The following USP32 variants were observed in gnomAD, a reference collection of about 807,000 sequenced individuals.
USP32 encodes ubiquitin specific peptidase 32, also known as ubiquitin carboxyl-terminal hydrolase 32.
USP32 carries 59 observed loss-of-function variants against 204.8 expected under a neutral mutation model. That is an observed-to-expected ratio of 0.29 (90% CI 0.23 to 0.36). The LOEUF is 0.36. Ranked by LOEUF, USP32 falls within the 10% of genes least tolerant of loss-of-function variation. USP32 has a pLI of 1.00. For missense variants in USP32, 1,160 were observed against 1,946.4 expected (o/e 0.60, Z 7.60); for synonymous variants, 517 against 678.4 (o/e 0.76, Z 3.70).
At chr17:60,200,941 C>T (rs555300517) in intron 26 of USP32, among the ~76,000 whole-genome samples, 15 of 152,290 alleles carry the variant, frequency 9.8e-5, no homozygotes, top group South Asian at 2.1e-4. Flanking sequence ...CTCACTGCAA[C>T]CTCCACCTTC....
At chr17:60,208,458 A>G (rs1167114873) in intron 23 of USP32, among the ~76,000 whole-genome samples, 196 bp downstream of exon 23, 1 of 152,188 alleles carries the variant, frequency 6.6e-6, no homozygotes, top group Non-Finnish European at 1.5e-5. Context: ...AGTTGCTGGC[A>G]TATTTGAAAC....
At chr17:60,413,861 CAAAAAAAAAAAAAA>C (rs1299395927) in intron 1 of USP32, among the ~76,000 whole-genome samples, 10 of 31,698 alleles carry the variant, frequency 3.2e-4, no homozygotes, top group Middle Eastern at 0.015. Context: ...GATTCTGTCT[CAAAAAAAAAAAAAA>C]GAAAAAAAAA....
intron 11 of USP32, among the ~76,000 whole-genome samples, chr17:60,236,902 T>C (rs77211692): frequency 0.06 from 9,135 of 152,278 alleles, 352 homozygotes; most frequent in East Asian, 0.11. Context: ...GGTTCATCTA[T>C]TATTGTGGCA....
At chr17:60,296,183 G>A (rs1233127056) in intron 3 of USP32, among the ~76,000 whole-genome samples, 1 of 152,174 alleles carries the variant, frequency 6.6e-6, no homozygotes, top group Non-Finnish European at 1.5e-5. Context: ...GTGGAGGTAC[G>A]TATTAGATAT....
At chr17:60,390,593 A>G (rs2089815555) in intron 1 of USP32, among the ~76,000 whole-genome samples, 1 of 152,192 alleles carries the variant, frequency 6.6e-6, no homozygotes, top group African/African-American at 2.4e-5. Context: ...TAAATCCACC[A>G]CCACCAATAC....
At chr17:60,421,714 C>T (rs2090117464) in intron 1 of USP32, 1 of 800,996 alleles carries the variant, frequency 1.2e-6, no homozygotes, top group Non-Finnish European at 1.5e-6. Flanking sequence ...CGGCCCTGCC[C>T]GGCCAACTCA....
At chr17:60,307,484 C>T (rs2087752818) in intron 2 of USP32, among the ~76,000 whole-genome samples, 1 of 152,162 alleles carries the variant, frequency 6.6e-6, no homozygotes, top group South Asian at 2.1e-4. Flanking sequence ...CAATGACATT[C>T]TTCATAGAGA....
chr17:60,354,721 G>A (rs2089028397), intron 1 of USP32, among the ~76,000 whole-genome samples: 1 of 152,144 alleles, frequency 6.6e-6, no homozygotes, highest in Non-Finnish European at 1.5e-5. Context: ...GTGACTTTGT[G>A]CCAAATGTCC....
chr17:60,261,594 C>T lies in USP32; in HGVS notation c.990+3818G>A, dbSNP rs188865387. Among the ~76,000 whole-genome samples, 524 of 151,224 alleles carry T rather than the reference C, an allele frequency of 3.5e-3. 5 individuals carry two copies. The highest frequency in any genetic ancestry group is 0.011 in the African/African-American group (448 of 41,126). ...CCAGGACGTAGAGGTTCCAGTGAGC[C>T]GAGATCATTCCACTGCACTCCAGCC... On this transcript the variant is annotated intron_variant, in intron 9 of 33. Coordinates refer to ENST00000300896, the MANE Select transcript of USP32 (RefSeq NM_032582.4).
intron 31 of USP32, among the ~76,000 whole-genome samples, chr17:60,182,247 C>T (rs771411207): frequency 6.6e-6 from 1 of 152,188 alleles, no homozygotes; most frequent in Non-Finnish European, 1.5e-5. Context: ...CCTTTTATAC[C>T]TTTAAAAATT....
At chr17:60,308,943 A>G (rs1203486178) in intron 2 of USP32, among the ~76,000 whole-genome samples, 1 of 152,148 alleles carries the variant, frequency 6.6e-6, no homozygotes, top group African/African-American at 2.4e-5. Flanking sequence ...AAAAAACAAG[A>G]AACTAGACTC....
In USP32 at chr17:60,190,560, T is replaced by C. The variant is rs1444359735; in HGVS notation, c.3642+3A>G. 6.3e-7 allele frequency: 1 copy of C among 1,575,250 alleles called. No homozygotes were observed. Among genetic ancestry groups the C allele is most frequent in the Admixed American group, 2.0e-5 (1 of 48,886 alleles). On this transcript the variant is annotated splice_donor_region_variant and intron_variant, in intron 29 of 33. Coordinates refer to ENST00000300896, the MANE Select transcript of USP32 (RefSeq NM_032582.4). ...CCATTTTATGGTGGCCCTAAATACT[T>C]ACCCTTTCCTGGGATGTTTGATAGC...
rs1342179250 is a variant in USP32, at chr17:60,221,505, T to C, written c.1749+904A>G. On this transcript the variant is annotated intron_variant, in intron 15 of 33. Transcript: ENST00000300896. Reference sequence around the variant, plus strand: ...GACATTATAAAAGGAAGAGTGTTTCTTTCTTTTTTTTTTTTTTGAGACGGA... The same window carrying C: ...GACATTATAAAAGGAAGAGTGTTTCCTTCTTTTTTTTTTTTTTGAGACGGA... Among the ~76,000 whole-genome samples, 3 of 151,714 alleles carry C rather than the reference T, an allele frequency of 2.0e-5. No individual in the cohort carries two copies. The East Asian group carries it at 5.8e-4, about 29-fold the overall frequency.
intron 11 of USP32, among the ~76,000 whole-genome samples, chr17:60,242,602 G>T (rs145836234): frequency 6.6e-6 from 1 of 151,976 alleles, no homozygotes; most frequent in Non-Finnish European, 1.5e-5. Context: ...GTAGAGATAG[G>T]GTTTCGCCAT....
At chr17:60,344,339 A>G (rs2088732698) in intron 2 of USP32, among the ~76,000 whole-genome samples, 1 of 152,120 alleles carries the variant, frequency 6.6e-6, no homozygotes, top group Non-Finnish European at 1.5e-5. Context: ...CATGTTGGCC[A>G]GGCTGGTCTC....
rs138568290 is a variant in USP32, at chr17:60,290,869, A to G, written c.412-2187T>C. Among the ~76,000 whole-genome samples, 11 of 152,304 alleles carry G rather than the reference A, an allele frequency of 7.2e-5. No homozygotes were observed. In the East Asian group the frequency reaches 1.2e-3, roughly 16 times the overall value. Reference sequence around the variant, plus strand: ...TTTAATCAATCATGATCGCTAGCGAAGATGTCTAGGGGTCAGTTTTGTGGA... The same window carrying G: ...TTTAATCAATCATGATCGCTAGCGAGGATGTCTAGGGGTCAGTTTTGTGGA... On this transcript the variant is annotated intron_variant, in intron 4 of 33. Transcript: ENST00000300896.
At chr17:60,333,500 T>C (rs1358176753) in intron 2 of USP32, among the ~76,000 whole-genome samples, 2 of 152,098 alleles carry the variant, frequency 1.3e-5, no homozygotes, top group Non-Finnish European at 2.9e-5. Context: ...CTTGGGACAC[T>C]AAGGCAGGAG....
At chr17:60,244,441 T>C (rs2145676305) in intron 11 of USP32, among the ~76,000 whole-genome samples, 1 of 152,344 alleles carries the variant, frequency 6.6e-6, no homozygotes, top group South Asian at 2.1e-4. Flanking sequence ...GTTTTTTGTT[T>C]TCTATGTATC....
chr17:60,305,345 G>A (rs1224701971), intron 2 of USP32: 3 of 152,068 alleles, frequency 2.0e-5, no homozygotes, highest in Non-Finnish European at 4.4e-5. Context: ...GAAGTACCAG[G>A]CTCCTTTAAA....
Sources: allele counts gnomAD v4.1 joint callset (sites outside exome capture counted in the v4.1 genomes callset), GRCh38; gene constraint gnomAD v4.1.1; transcripts MANE v1.5; gene names NCBI Gene and HGNC (gene_info 2026-07-23, HGNC 2026-07-21).